PPP1R11: variants seen among roughly 807,000 people sequenced by gnomAD.
PPP1R11 encodes the protein protein phosphatase 1 regulatory inhibitor subunit 11.
Under a neutral mutation model 11.3 loss-of-function variants are expected in PPP1R11, and 10 were observed. The observed-to-expected ratio is 0.88, with a 90% CI of 0.55 to 1.50. The LOEUF (loss-of-function observed/expected upper bound fraction) is 1.50, where lower values mean the gene tolerates loss of function less well. PPP1R11 is among the 40% of genes most tolerant of loss of function. PPP1R11 has a pLI of 0.00. For synonymous variants in PPP1R11, 56 were observed against 62.3 expected (o/e 0.90, Z 0.48); for missense variants, 114 against 179.1 (o/e 0.64, Z 2.07).
At chr6:30,064,742 G>A, upstream of PPP1R11, 1 of 1,587,658 alleles carries the variant, frequency 6.3e-7, no homozygotes, top group Non-Finnish European at 8.6e-7. Flanking sequence ...CTTTCGGAAG[G>A]TGAAGGATAC....
chr6:30,064,419 T>A (rs916035109), upstream of PPP1R11, among the ~76,000 whole-genome samples: 19 of 152,084 alleles, frequency 1.2e-4, no homozygotes, highest in Admixed American at 7.2e-4. Context: ...CTTATCCTTT[T>A]TTTTTTCTTT....
rs1302425398 is a variant in PPP1R11 at position 30,069,237 on chromosome 6, A to G, written c.312A>G (p.Gly104=). The change falls in exon 3 of 3, where the codon GGA becomes GGG. Residue 104 remains glycine (G), a synonymous_variant. Transcript: ENST00000376772. The surrounding 1 kb of genome is among the most constrained non-coding windows in gnomAD (Gnocchi z 6.6). ...AAGGACGGCGTCGTGCAACCCTAGG[A>G]CCGACCCCCACCACCCCTCCCCAGC... ...HRKGRRRATL[G]PTPTTPPQPP... The G allele has an allele frequency of 6.2e-7, 1 of 1,612,698 alleles. No individual in the cohort carries two copies.
At chr6:30,062,115 G>A (rs1373851812), upstream of PPP1R11, 4 of 1,451,920 alleles carry the variant, frequency 2.8e-6, no homozygotes, top group African/African-American at 4.2e-5. Flanking sequence ...CCAATTCCAA[G>A]AGGGAAAAGA....
upstream of PPP1R11, among the ~76,000 whole-genome samples, chr6:30,062,861 C>A (rs1366151122): frequency 2.0e-5 from 3 of 150,232 alleles, no homozygotes; most frequent in African/African-American, 4.9e-5. Flanking sequence ...CATGAGCCAC[C>A]CCGCCTGACC....
Position 30,069,440 on chromosome 6 carries a change from AAATT to A in PPP1R11, c.*135_*138del. ...AAGAGGAGGACGAACAGAGATCCTG[AAATT>A]CTGACTTGCTGCTATTCCAGAACCC... On this transcript the variant is annotated 3_prime_UTR_variant, in exon 3 of 3. Coordinates refer to ENST00000376772, the MANE Select transcript of PPP1R11 (RefSeq NM_021959.3). This position sits in a 1 kb window ranked among gnomAD's most constrained non-coding sequence, Gnocchi z 6.6. The A allele has an allele frequency of 1.3e-6, 1 of 752,594 alleles. No individual in the cohort carries two copies. Among genetic ancestry groups the A allele is most frequent in the Non-Finnish European group, 2.0e-6 (1 of 493,724 alleles). The allele number at this position is 752,594 out of a possible 1,614,324, so 46.6% of individuals were successfully genotyped here.
chr6:30,066,524 A>C (rs1182602616), upstream of PPP1R11, among the ~76,000 whole-genome samples: 1 of 152,246 alleles, frequency 6.6e-6, no homozygotes. Flanking sequence ...AGATTTACAA[A>C]TCAGACATGG....
upstream of PPP1R11, among the ~76,000 whole-genome samples, chr6:30,063,678 C>T (rs897906172): frequency 1.2e-4 from 18 of 152,022 alleles, no homozygotes; most frequent in East Asian, 2.5e-3. The surrounding 1 kb of genome is among the most constrained non-coding windows in gnomAD (Gnocchi z 4.1). Context: ...ACTATAAATT[C>T]GAGTTTTTTA....
At chr6:30,064,969 T>A (rs59387046), upstream of PPP1R11, 13,319 of 354,742 alleles carry the variant, frequency 0.038, 572 homozygotes, top group African/African-American at 0.14. Flanking sequence ...TTTCCAGAGA[T>A]ATATTTATAT....
At chr6:30,061,822 G>A (rs778739959), upstream of PPP1R11, 420 of 1,546,072 alleles carry the variant, frequency 2.7e-4, 1 homozygote, top group Non-Finnish European at 3.4e-4. The surrounding 1 kb of genome is among the most constrained non-coding windows in gnomAD (Gnocchi z 5.0). Flanking sequence ...AAAGGATGTA[G>A]GGCCTCCTGG....
chr6:30,069,291 G>A lies in PPP1R11; in HGVS notation c.366G>A (p.Gly122=). ...CTGACCCTTCCCAGCCCCCTCCAGG[G>A]CCAATGCAGCACTAAATCCCTCTCT... ...QPPDPSQPPP[G]PMQH Residue 122 remains glycine, a synonymous_variant, in exon 3 of 3, where the codon GGG becomes GGA. Coordinates refer to ENST00000376772, the MANE Select transcript of PPP1R11 (RefSeq NM_021959.3). The surrounding 1 kb of genome is among the most constrained non-coding windows in gnomAD (Gnocchi z 6.6). 2 of 1,602,220 alleles carry A rather than the reference G, an allele frequency of 1.2e-6. No homozygotes were observed. Among genetic ancestry groups the A allele is most frequent in the South Asian group, 1.1e-5 (1 of 90,264 alleles).
chr6:30,064,737 G>A (rs769986383), upstream of PPP1R11: 56 of 1,589,868 alleles, frequency 3.5e-5, no homozygotes, highest in Middle Eastern at 1.7e-4. Flanking sequence ...CCCTCCTTTC[G>A]GAAGGTGAAG....
upstream of PPP1R11, among the ~76,000 whole-genome samples, chr6:30,062,832 A>G (rs1396869676): frequency 4.1e-5 from 6 of 147,908 alleles, no homozygotes; most frequent in East Asian, 7.9e-4. Flanking sequence ...TCAGCATCCC[A>G]AAGTGCTGGG....
upstream of PPP1R11, among the ~76,000 whole-genome samples, chr6:30,065,960 A>C (rs2127299467): frequency 6.6e-6 from 1 of 152,274 alleles, no homozygotes; most frequent in African/African-American, 2.4e-5. This position sits in a 1 kb window ranked among gnomAD's most constrained non-coding sequence, Gnocchi z 5.3. Flanking sequence ...TACTGTAATA[A>C]TTATCATATA....
Position 30,069,188 on chromosome 6 carries a change from C to T in PPP1R11, c.263C>T (p.Thr88Ile), listed in dbSNP as rs1285376093. The part of the protein sequence containing the change: ...DEEEEEGCGH[T>I]HCVRGHRKGR... ...GAGGAAGAAGAGGGCTGTGGTCATA[C>T]ACACTGTGTACGTGGCCACCGCAAA... The change falls in exon 3 of 3, where the codon ACA becomes ATA. Residue 88 changes from threonine to isoleucine, a missense_variant. Coordinates refer to ENST00000376772, the MANE Select transcript of PPP1R11 (RefSeq NM_021959.3). The surrounding 1 kb of genome is among the most constrained non-coding windows in gnomAD (Gnocchi z 6.6). The T allele has an allele frequency of 6.2e-7, 1 of 1,612,624 alleles. No homozygotes were observed. Among genetic ancestry groups the T allele is most frequent in the South Asian group, 1.1e-5 (1 of 91,082 alleles).
chr6:30,064,563 A>C (rs553248254), upstream of PPP1R11: 759 of 961,612 alleles, frequency 7.9e-4, no homozygotes, highest in Non-Finnish European at 1.1e-3. Flanking sequence ...CCAGTCCTCA[A>C]TGATGTCATA....
At chr6:30,068,334 G>A (rs893890693) in intron 1 of PPP1R11, 7 of 346,844 alleles carry the variant, frequency 2.0e-5, no homozygotes, top group South Asian at 1.0e-4. Flanking sequence ...CCTTTGAAGA[G>A]TTGCTGGGAC....
Position 30,069,846 on chromosome 6 carries a change from C to G in PPP1R11, c.*540C>G, listed in dbSNP as rs1334061700. On this transcript the variant is annotated 3_prime_UTR_variant, in exon 3 of 3. Transcript: ENST00000376772. This position sits in a 1 kb window ranked among gnomAD's most constrained non-coding sequence, Gnocchi z 6.6. ...CCCTTCTCCTCCTGCTAACCCTTCTCACACCCTCAAGAGGAGTTAGAAAAG... is the reference window on the plus strand; with the variant it reads ...CCCTTCTCCTCCTGCTAACCCTTCTGACACCCTCAAGAGGAGTTAGAAAAG... The G allele has an allele frequency of 6.5e-6, 1 of 153,768 alleles. No homozygotes were observed. The highest frequency in any genetic ancestry group is 1.4e-5 in the Non-Finnish European group (1 of 69,008). 9.5% of individuals were successfully genotyped at this position (153,768 alleles called of 1,614,324 possible). A position where few individuals can be genotyped will look rare whatever the true frequency, so the allele number is the denominator to read the frequency against.
At chr6:30,061,392 A>T in the PPP1R11 span, 3 of 999,762 alleles carry the variant, frequency 3.0e-6, no homozygotes, top group Admixed American at 7.1e-5. This position sits in a 1 kb window ranked among gnomAD's most constrained non-coding sequence, Gnocchi z 5.0. Flanking sequence ...TCGCAGAGGC[A>T]GGAGGCGTGC....
At chr6:30,064,606 T>C (rs1016359958), upstream of PPP1R11, 72 of 1,430,830 alleles carry the variant, frequency 5.0e-5, no homozygotes, top group Non-Finnish European at 5.1e-5. Flanking sequence ...TTTGATTGCA[T>C]ATCTTATCTT....
Sources: gnomAD v4.1 joint callset for allele counts (sites outside exome capture counted in the v4.1 genomes callset) on GRCh38, gnomAD v4.1.1 for gene constraint, Gnocchi (gnomAD v3.1) non-coding constraint, MANE v1.5 for transcripts, NCBI Gene and HGNC (gene_info 2026-07-23, HGNC 2026-07-21) for gene names.